Variants in DNAH17 observed in about 807,000 individuals in gnomAD.
DNAH17 encodes dynein axonemal heavy chain 17, also known as axonemal beta dynein heavy chain 17.
A neutral mutation model predicts 485.6 loss-of-function variants in DNAH17; 376 were observed. The ratio of observed to expected loss-of-function variants is 0.77; its 90% CI spans 0.71 to 0.84. DNAH17 has a LOEUF of 0.84. DNAH17 is among the 40% of genes least tolerant of loss of function. The probability of loss-of-function intolerance (pLI) is 0.00; values close to 1 mark genes in which losing one functional copy is unlikely to be tolerated. For missense variants in DNAH17, 6,370 were observed against 5,839.3 expected, an observed-to-expected ratio of 1.09 and a Z score of -2.96; for synonymous variants, 3,031 against 2,405.9, an observed-to-expected ratio of 1.26 and a Z score of -7.60.
intron 15 of DNAH17, among the ~76,000 whole-genome samples, 186 bp downstream of exon 15, chr17:78,552,511 G>A (rs2091924527): frequency 9.2e-6 from 1 of 108,396 alleles, no homozygotes; most frequent in African/African-American, 3.4e-5. Flanking sequence ...ACACAGATGG[G>A]CTTTTTTTTT....
chr17:78,496,021 G>A lies in DNAH17; in HGVS notation c.5757C>T (p.Val1919=), dbSNP rs1337768933. ...LSVIAVQVKC[V]QDAIRAKKKA... The stretch of plus-strand genomic sequence containing the variant: ...TTTTCTTGGCCCGAATTGCATCCTG[G>A]ACACATTTTACCTGCACGGTTGGTG... The change falls in exon 38 of 81, where the codon GTC becomes GTT. Residue 1919 remains valine, a synonymous_variant. Transcript: ENST00000389840. The A allele has an allele frequency of 6.2e-7, 1 of 1,613,660 alleles. No individual in the cohort carries two copies. Among genetic ancestry groups the A allele is most frequent in the East Asian group, 2.2e-5 (1 of 44,866 alleles).
intron 60 of DNAH17, 131 bp downstream of exon 60, chr17:78,459,652 TG>T: frequency 1.0e-6 from 1 of 954,860 alleles, no homozygotes; most frequent in South Asian, 1.6e-5. Flanking sequence ...GGGTGCTGTA[TG>T]GGGAAGGGGC....
rs1045508516 is a variant in DNAH17, at chr17:78,507,540, C to A, written c.4502G>T (p.Ser1501Ile). 1 of 1,613,922 alleles carries A rather than the reference C, an allele frequency of 6.2e-7. No individual in the cohort carries two copies. The highest frequency in any genetic ancestry group is 1.3e-5 in the African/African-American group (1 of 74,944). The change falls in exon 28 of 81, where the codon AGC becomes ATC. Residue 1501 changes from serine to isoleucine, a missense_variant. Coordinates refer to ENST00000389840, the MANE Select transcript of DNAH17 (RefSeq NM_173628.4). ...GATGTCTTCGGAGCCGATGAAGATG[C>A]TCTCCAGGTGGCTCCAGGTTCGCTG... is the stretch of plus-strand genomic sequence containing the variant. Reference protein sequence around the residue: ...EVQRTWSHLESIFIGSEDIRT... With the variant: ...EVQRTWSHLEIIFIGSEDIRT...
chr17:78,466,656 G>A lies in DNAH17; in HGVS notation c.8939C>T (p.Pro2980Leu), dbSNP rs374923749. 24 of 1,606,232 alleles carry A rather than the reference G, an allele frequency of 1.5e-5. No individual in the cohort carries two copies. Among genetic ancestry groups the A allele is most frequent in the East Asian group, 6.7e-5 (3 of 44,598 alleles). ...GCAGAGGTGGCCTCAGTGACTCACC[G>A]GAATCCCCTCAGTCTCCTCCAGGAA... ...ARFLEETEGI[P>L]WEVKASISFF... The change falls in exon 56 of 81, where the codon CCG becomes CTG. Residue 2980 changes from proline to leucine, a missense_variant and splice_region_variant. Physicochemically the swap from Pro to Leu is moderately conservative, Grantham distance 98 (BLOSUM62 -3). Transcript: ENST00000389840.
At chr17:78,466,240 G>T (rs976819004) in intron 56 of DNAH17, among the ~76,000 whole-genome samples, 2 of 152,088 alleles carry the variant, frequency 1.3e-5, no homozygotes, top group African/African-American at 2.4e-5. Context: ...CAGCATGCTC[G>T]TTAAGAGTCA....
chr17:78,532,877 G>T, intron 19 of DNAH17, 141 bp from the exon 20 acceptor site: 1 of 1,068,906 alleles, frequency 9.4e-7, no homozygotes, highest in Non-Finnish European at 1.3e-6. Flanking sequence ...TCTTTTTCCA[G>T]CCTGGGCCGA....
chr17:78,556,141 GCTAT>G (rs1467739476), intron 14 of DNAH17, among the ~76,000 whole-genome samples: 1 of 151,828 alleles, frequency 6.6e-6, no homozygotes, highest in African/African-American at 2.4e-5. Context: ...CCCATCTATA[GCTAT>G]CTATCCATTC....
intron 70 of DNAH17, 111 bp downstream of exon 70, chr17:78,445,447 T>C (rs1456411038): frequency 5.6e-6 from 8 of 1,431,644 alleles, no homozygotes; most frequent in African/African-American, 1.4e-5. Flanking sequence ...CTTTACTGAA[T>C]TTATGGGCCA....
chr17:78,492,239 G>A (rs146979984), intron 42 of DNAH17, among the ~76,000 whole-genome samples: 3 of 152,080 alleles, frequency 2.0e-5, no homozygotes, highest in Non-Finnish European at 4.4e-5. Context: ...ACCCAGTGAC[G>A]CCACCTCCTG....
chr17:78,537,541 A>G, intron 18 of DNAH17, 60 bp from the exon 19 acceptor site: 2 of 1,558,466 alleles, frequency 1.3e-6, no homozygotes, highest in Non-Finnish European at 1.8e-6. Context: ...GATGATTCTC[A>G]GTGCCCTGAT....
At chr17:78,502,475 C>T (rs558051651) in intron 33 of DNAH17, 116 bp downstream of exon 33, 91 of 1,031,710 alleles carry the variant, frequency 8.8e-5, no homozygotes, top group Non-Finnish European at 1.0e-4. Flanking sequence ...GCTCAGCCTC[C>T]GAGAAGAAGC....
chr17:78,501,448 A>G, intron 34 of DNAH17, 104 bp from the exon 35 acceptor site: 1 of 1,373,770 alleles, frequency 7.3e-7, no homozygotes, highest in Non-Finnish European at 9.7e-7. Context: ...CTGCCCAGGG[A>G]ACCCTCCCTG....
chr17:78,449,421 G>A lies in DNAH17; in HGVS notation c.11204C>T (p.Thr3735Met), dbSNP rs368944814. The A allele has an allele frequency of 1.9e-5, 29 of 1,549,430 alleles. No individual in the cohort carries two copies. The highest frequency in any genetic ancestry group is 3.7e-4 in the Middle Eastern group (2 of 5,344). ...RDKLIFLAQVTFQVLSMKKEL... is the reference protein window; with the variant it reads ...RDKLIFLAQVMFQVLSMKKEL... Reference sequence around the variant, plus strand: ...AGTGAGGCTAGACATTACCTGAAACGTAACTTGTGCCAGGAAAATGAGTTT... The same window carrying A: ...AGTGAGGCTAGACATTACCTGAAACATAACTTGTGCCAGGAAAATGAGTTT... Residue 3735 changes from threonine (T) to methionine (M), a missense_variant, in exon 69 of 81, where the codon ACG (threonine) becomes ATG (methionine). Transcript: ENST00000389840.
chr17:78,459,330 ACAGT>A (rs1394570560), intron 60 of DNAH17, 122 bp from the exon 61 acceptor site: 4 of 961,450 alleles, frequency 4.2e-6, no homozygotes, highest in Non-Finnish European at 6.5e-6. Flanking sequence ...TGGGATTCAC[ACAGT>A]CAGGCTGGCC....
chr17:78,442,227 G>A (rs746892558), intron 71 of DNAH17, among the ~76,000 whole-genome samples: 3 of 152,206 alleles, frequency 2.0e-5, no homozygotes, highest in Non-Finnish European at 4.4e-5. Flanking sequence ...CTTTCAGAAG[G>A]CTCTGCTCAC....
intron 38 of DNAH17, 76 bp from the exon 39 acceptor site, chr17:78,495,173 C>T (rs2090023288): frequency 6.8e-7 from 1 of 1,480,122 alleles, no homozygotes; most frequent in African/African-American, 1.4e-5. Flanking sequence ...CCCTCTTCAC[C>T]TAGGAGAGCA....
intron 2 of DNAH17, among the ~76,000 whole-genome samples, chr17:78,574,242 C>T (rs1017851348): frequency 6.6e-6 from 1 of 152,146 alleles, no homozygotes; most frequent in African/African-American, 2.4e-5. Flanking sequence ...ATAATCCCAA[C>T]AGTTTGGGAG....
rs1568173406 is a variant in DNAH17 at position 78,507,378 on chromosome 17, A to G, written c.4585-9T>C. 1.2e-6 allele frequency: 2 copies of G among 1,614,014 alleles called. No homozygotes were observed. The highest frequency in any genetic ancestry group is 1.7e-6 in the Non-Finnish European group (2 of 1,179,886). On this transcript the variant is annotated splice_polypyrimidine_tract_variant and intron_variant, in intron 28 of 80. Transcript: ENST00000389840. ...GCATCTTCCATCAAGGCCTGGGAAG[A>G]GAAGGGGATCGCCAAGGCATTAGGG...
In DNAH17 at chr17:78,478,207, C is replaced by T. The variant is rs1223989430; in HGVS notation, c.7992+818G>A. 2.7e-5 allele frequency among the ~76,000 whole-genome samples: 4 copies of T among 150,162 alleles called. No homozygotes were observed. The East Asian group carries it at 8.1e-4, about 31-fold the overall frequency. On this transcript the variant is annotated intron_variant, in intron 51 of 80. Transcript: ENST00000389840. The stretch of plus-strand genomic sequence containing the variant: ...ACCATTATCACCATCATATCACCAC[C>T]ACCACCATCATCACCACATCACCAT...
Sources: allele counts gnomAD v4.1 joint callset (sites outside exome capture counted in the v4.1 genomes callset), GRCh38; gene constraint gnomAD v4.1.1; transcripts MANE v1.5; gene names NCBI Gene and HGNC (gene_info 2026-07-23, HGNC 2026-07-21).